The following SIRT3 variants were observed in gnomAD, a reference collection of about 807,000 sequenced individuals.
SIRT3 encodes sirtuin 3.
A neutral mutation model predicts 33.5 loss-of-function variants in SIRT3; 26 were observed. The ratio of observed to expected loss-of-function variants is 0.78; its 90% confidence interval spans 0.57 to 1.08. The LOEUF is 1.08. Ranked by LOEUF, SIRT3 falls within the 50% of genes least tolerant of loss-of-function variation. SIRT3 has a pLI of 0.00. For missense variants in SIRT3, 585 were observed against 530.1 expected (o/e 1.10, Z -1.02); for synonymous variants, 237 against 222.1 (o/e 1.07, Z -0.60).
At position 236,108 on chromosome 11, in the gene SIRT3, T is replaced by G. The variant is rs776978443; in HGVS notation, c.221A>C (p.Glu74Ala). The change falls in exon 1 of 7, where the codon GAG (glutamate) becomes GCG (alanine). Residue 74 changes from glutamate to alanine, a missense_variant. Coordinates refer to ENST00000382743, the MANE Select transcript of SIRT3 (RefSeq NM_012239.6). ...CTGCCTCCGGAATGCCCTGGGCACCTCGGGTCTGGGAGGCCTCTGCAAGGG... is the reference window on the plus strand; with the variant it reads ...CTGCCTCCGGAATGCCCTGGGCACCGCGGGTCTGGGAGGCCTCTGCAAGGG... ...ARPLQRPPRPEVPRAFRRQPR... is the reference protein window; with the variant it reads ...ARPLQRPPRPAVPRAFRRQPR... The G allele has an allele frequency of 1.3e-6, 2 of 1,579,384 alleles. No individual in the cohort carries two copies. The highest frequency in any genetic ancestry group is 1.7e-6 in the Non-Finnish European group (2 of 1,163,702).
intron 4 of SIRT3, among the ~76,000 whole-genome samples, chr11:229,787 C>T (rs573175871): frequency 8.0e-4 from 121 of 151,892 alleles, no homozygotes; most frequent in Middle Eastern, 3.4e-3. Context: ...TATAGCTAAA[C>T]GTGGAGTTAC....
rs116301602 is a variant in SIRT3 at position 235,482 on chromosome 11, A to C, written c.281+566T>G. The stretch of plus-strand genomic sequence containing the variant: ...AGCCTCCGAAAGTGCTGGTATTACA[A>C]GTGTGAGCTACCACTTCGAGACTCA... On this transcript the variant is annotated intron_variant, in intron 1 of 6. Coordinates refer to ENST00000382743, the MANE Select transcript of SIRT3 (RefSeq NM_012239.6). Among the ~76,000 whole-genome samples the C allele has an allele frequency of 8.8e-3, 1,341 of 152,272 alleles. 18 individuals are homozygous for C. The highest frequency in any genetic ancestry group is 0.03 in the African/African-American group (1,247 of 41,552).
In SIRT3 at chr11:215,838, C is replaced by G. The variant is rs2133768000; in HGVS notation, c.*860G>C. ...AGCCTGGGTTTTAAGTGAGTAATGC[C>G]TTCCCTGTCTCAGAGATTAGCTCTA... On this transcript the variant is annotated 3_prime_UTR_variant, in exon 7 of 7. Transcript: ENST00000382743. 1 of 152,288 alleles carries G rather than the reference C, an allele frequency of 6.6e-6. No homozygotes were observed. The highest frequency in any genetic ancestry group is 1.5e-5 in the Non-Finnish European group (1 of 68,046). The allele number at this position is 152,288 out of a possible 1,614,324, so 9.4% of individuals were successfully genotyped here. A position where few individuals can be genotyped will look rare whatever the true frequency, so the allele number is the denominator to read the frequency against.
At chr11:221,068 A>C (rs1856382377) in intron 5 of SIRT3, among the ~76,000 whole-genome samples, 1 of 150,884 alleles carries the variant, frequency 6.6e-6, no homozygotes, top group South Asian at 2.1e-4. Context: ...AGGGATATTC[A>C]CTACAGCATT....
intron 6 of SIRT3, among the ~76,000 whole-genome samples, chr11:217,233 C>T (rs780436900): frequency 5.9e-5 from 9 of 152,126 alleles, no homozygotes; most frequent in Non-Finnish European, 1.0e-4. Flanking sequence ...GTGGATCACC[C>T]GAGGTCAGGA....
chr11:219,114 C>T, intron 5 of SIRT3, 73 bp from the exon 6 acceptor site: 1 of 1,504,234 alleles, frequency 6.6e-7, no homozygotes, highest in East Asian at 2.5e-5. Context: ...ATGCCACAGC[C>T]ACCGAGGCCT....
chr11:218,786 A>C (rs371344453), intron 6 of SIRT3, 46 bp downstream of exon 6: 1 of 1,613,844 alleles, frequency 6.2e-7, no homozygotes. Context: ...ACCCTAGAGC[A>C]GTGAGAAGGG....
rs202147171 is a variant in SIRT3 at position 230,529 on chromosome 11, G to A, written c.730C>T (p.Leu244=). The A allele has an allele frequency of 1.3e-6, 2 of 1,533,714 alleles. No individual in the cohort carries two copies. The highest frequency in any genetic ancestry group is 1.8e-6 in the Non-Finnish European group (2 of 1,140,576). Reference sequence around the variant, plus strand: ...GCAAAGGTTCCATGAGCTTCAACCAGCTTTGAGGCAGGGATGCCCGACACT... The same window carrying A: ...GCAAAGGTTCCATGAGCTTCAACCAACTTTGAGGCAGGGATGCCCGACACT... ...ERVSGIPASK[L]VEAHGTFASA... Residue 244 remains leucine (L), a synonymous_variant, in exon 4 of 7, where the codon CTG becomes TTG. Coordinates refer to ENST00000382743, the MANE Select transcript of SIRT3 (RefSeq NM_012239.6).
chr11:220,324 C>T (rs1421348254), intron 5 of SIRT3, among the ~76,000 whole-genome samples: 6 of 101,668 alleles, frequency 5.9e-5, no homozygotes, highest in African/African-American at 2.3e-4. Flanking sequence ...GAGCAAGACT[C>T]TGTCTCAAAA....
At chr11:232,704 T>C (rs1163082140) in intron 3 of SIRT3, among the ~76,000 whole-genome samples, 1 of 152,118 alleles carries the variant, frequency 6.6e-6, no homozygotes, top group Non-Finnish European at 1.5e-5. Flanking sequence ...GGCAAAACAA[T>C]GTCAACTTCT....
At chr11:224,879 C>T (rs1856947566) in intron 4 of SIRT3, among the ~76,000 whole-genome samples, 1 of 152,050 alleles carries the variant, frequency 6.6e-6, no homozygotes, top group Non-Finnish European at 1.5e-5. Flanking sequence ...CAGAGGAAGA[C>T]ACCTGACTTT....
intron 1 of SIRT3, among the ~76,000 whole-genome samples, chr11:234,487 T>C (rs1046968722): frequency 6.6e-6 from 1 of 152,172 alleles, no homozygotes; most frequent in Non-Finnish European, 1.5e-5. Flanking sequence ...CGATCTCGGC[T>C]CACTGCAAGC....
chr11:231,770 G>A (rs1264939457), intron 3 of SIRT3, among the ~76,000 whole-genome samples: 1 of 152,150 alleles, frequency 6.6e-6, no homozygotes, highest in Non-Finnish European at 1.5e-5. Context: ...TGCTGCCTCT[G>A]TGGTTCCAAG....
chr11:226,844 C>T (rs1423012837), intron 4 of SIRT3, among the ~76,000 whole-genome samples: 1 of 151,336 alleles, frequency 6.6e-6, no homozygotes, highest in African/African-American at 2.4e-5. Context: ...ACCTCCGCCT[C>T]CCTGGTTCAA....
intron 4 of SIRT3, chr11:226,181 G>A (rs1857148322): frequency 6.6e-6 from 1 of 152,206 alleles, no homozygotes; most frequent in Non-Finnish European, 1.5e-5. Flanking sequence ...TATCTGGGAA[G>A]ATAAACCAGT....
chr11:221,978 T>C (rs972195633), intron 5 of SIRT3, among the ~76,000 whole-genome samples: 14 of 152,016 alleles, frequency 9.2e-5, no homozygotes, highest in African/African-American at 3.1e-4. Flanking sequence ...TTTATATCTT[T>C]ATATAATGTA....
At chr11:219,878 AACT>A (rs1365115767) in intron 5 of SIRT3, among the ~76,000 whole-genome samples, 1 of 152,236 alleles carries the variant, frequency 6.6e-6, no homozygotes, top group African/African-American at 2.4e-5. Flanking sequence ...ATCTACATAA[AACT>A]ACTATGTAGA....
chr11:224,202 A>G lies in SIRT3; in HGVS notation c.845T>C (p.Val282Ala). ...GTCGGGCTTCACAACGCCGGTGCAG[A>G]CCGGGCAGCGGGGAACCCTGTCTGC... The part of the protein sequence containing the change: ...VMADRVPRCP[V>A]CTGVVKPDIV... The change falls in exon 5 of 7, where the codon GTC becomes GCC. Residue 282 changes from valine (V) to alanine (A), a missense_variant. Val to Ala is a moderately conservative substitution (Grantham distance 64, BLOSUM62 0). Coordinates refer to ENST00000382743, the MANE Select transcript of SIRT3 (RefSeq NM_012239.6). The G allele has an allele frequency of 6.2e-7, 1 of 1,614,158 alleles. No homozygotes were observed. Among genetic ancestry groups the G allele is most frequent in the Non-Finnish European group, 8.5e-7 (1 of 1,180,038 alleles).
At chr11:221,036 T>C (rs975179900) in intron 5 of SIRT3, among the ~76,000 whole-genome samples, 1 of 148,140 alleles carries the variant, frequency 6.8e-6, no homozygotes, top group Non-Finnish European at 1.5e-5. Context: ...AGTACTTGCA[T>C]GGGTAGATAA....
Sources: gnomAD v4.1 joint callset for allele counts (sites outside exome capture counted in the v4.1 genomes callset) on GRCh38, gnomAD v4.1.1 for gene constraint, MANE v1.5 for transcripts, NCBI Gene and HGNC (gene_info 2026-07-23, HGNC 2026-07-21) for gene names.